Variants in PLIN1 observed in about 807,000 individuals in gnomAD.
PLIN1 encodes the protein perilipin-1.
PLIN1 carries 37 observed loss-of-function variants against 45.8 expected under a neutral mutation model. That is an observed-to-expected ratio of 0.81 (90% CI 0.62 to 1.06). The LOEUF (loss-of-function observed/expected upper bound fraction) is 1.06. Ranked by LOEUF, PLIN1 falls within the 50% of genes least tolerant of loss-of-function variation. The pLI is 0.00. For missense variants in PLIN1, 776 were observed against 716.5 expected, an observed-to-expected ratio of 1.08 and a Z score of -0.95; for synonymous variants, 340 against 309.2, an observed-to-expected ratio of 1.10 and a Z score of -1.05.
At chr15:89,674,925 C>A (rs1280735711) in intron 2 of PLIN1, among the ~76,000 whole-genome samples, 1 of 151,952 alleles carries the variant, frequency 6.6e-6, no homozygotes, top group Non-Finnish European at 1.5e-5. Context: ...CACAGGGAGA[C>A]CCCGTCTCTA....
intron 2 of PLIN1, among the ~76,000 whole-genome samples, chr15:89,675,000 C>T (rs564539713): frequency 2.6e-5 from 4 of 152,178 alleles, no homozygotes; most frequent in South Asian, 2.1e-4. Flanking sequence ...CCTGTGGTCC[C>T]GGCTACTCGG....
At position 89,673,361 on chromosome 15, in the gene PLIN1, G is replaced by A. The variant is rs539640475; in HGVS notation, c.99C>T (p.Thr33=). The A allele has an allele frequency of 1.9e-6, 3 of 1,603,802 alleles. No homozygotes were observed. In the South Asian group the frequency reaches 3.4e-5, roughly 18 times the overall value. Residue 33 remains threonine (T), a synonymous_variant, in exon 3 of 9, where the codon ACC becomes ACT. Coordinates refer to ENST00000300055, the MANE Select transcript of PLIN1 (RefSeq NM_002666.5). ...TGTAGGTCTTCTGGAAGCATTCGCA[G>A]GTGCCACTCACCACCGGCAGCTGCA... is the stretch of plus-strand genomic sequence containing the variant. The part of the protein sequence containing the change: ...RVLQLPVVSG[T]CECFQKTYTS...
intron 1 of PLIN1, chr15:89,678,058 A>C (rs1964546377): frequency 6.6e-6 from 1 of 150,606 alleles, no homozygotes; most frequent in African/African-American, 2.5e-5. Flanking sequence ...CACACTGGCT[A>C]ATTTTTGTAT....
intron 6 of PLIN1, 139 bp from the exon 7 acceptor site, chr15:89,667,932 CTT>C: frequency 8.2e-7 from 1 of 1,217,690 alleles, no homozygotes; most frequent in Non-Finnish European, 1.1e-6. Context: ...TTTCTGGAAA[CTT>C]TTTATTGAGT....
At position 89,665,316 on chromosome 15, in the gene PLIN1, T is replaced by C. The variant is rs922587862; in HGVS notation, c.*267A>G. 25 of 321,538 alleles carry C rather than the reference T, an allele frequency of 7.8e-5. No homozygotes were observed. Among genetic ancestry groups the C allele is most frequent in the African/African-American group, 4.7e-4 (22 of 46,796 alleles). 19.9% of individuals were successfully genotyped at this position (321,538 alleles called of 1,614,324 possible). A position where few individuals can be genotyped will look rare whatever the true frequency, so the allele number is the denominator to read the frequency against. Reference sequence around the variant, plus strand: ...AAATCAAGTTAGGCAATTACTCTTATAGTAACAACCAAGCCATAGAATCAG... The same window carrying C: ...AAATCAAGTTAGGCAATTACTCTTACAGTAACAACCAAGCCATAGAATCAG... On this transcript the variant is annotated 3_prime_UTR_variant, in exon 9 of 9. Coordinates refer to ENST00000300055, the MANE Select transcript of PLIN1 (RefSeq NM_002666.5).
chr15:89,678,853 A>G (rs1964557755), intron 1 of PLIN1, among the ~76,000 whole-genome samples: 1 of 151,274 alleles, frequency 6.6e-6, no homozygotes, highest in Non-Finnish European at 1.5e-5. Flanking sequence ...CCCTCTCCCT[A>G]TCTGTTTTTT....
At position 89,665,867 on chromosome 15, in the gene PLIN1, G is replaced by A. The variant is rs753027178; in HGVS notation, c.1285C>T (p.Arg429Trp). Reference protein sequence around the residue: ...IDNPPAEVERREAERRASGAP... With the variant: ...IDNPPAEVERWEAERRASGAP... ...CCAGACGCTCTGCGCTCCGCCTCCC[G>A]GCGCTCGACCTCGGCTGGTGGGTTG... Residue 429 changes from arginine (R) to tryptophan (W), a missense_variant, in exon 9 of 9, where the codon CGG becomes TGG. Transcript: ENST00000300055. 31 of 1,503,918 alleles carry A rather than the reference G, an allele frequency of 2.1e-5. No individual in the cohort carries two copies. The highest frequency in any genetic ancestry group is 1.1e-4 in the East Asian group (4 of 37,064). The allele number at this position is 1,503,918 out of a possible 1,614,324, so 93.2% of individuals were successfully genotyped here. A position where few individuals can be genotyped will look rare whatever the true frequency, so the allele number is the denominator to read the frequency against.
rs1274374725 is a variant in PLIN1, at chr15:89,666,656, A to G, written c.1209+280T>C. ...GAGAGCAAAGGGGTGAAGGTGAGCCACTGGGATCCTGGGACTGATGGCTGG... is the reference window on the plus strand; with the variant it reads ...GAGAGCAAAGGGGTGAAGGTGAGCCGCTGGGATCCTGGGACTGATGGCTGG... On this transcript the variant is annotated intron_variant, in intron 8 of 8. Coordinates refer to ENST00000300055, the MANE Select transcript of PLIN1 (RefSeq NM_002666.5). 2.0e-5 allele frequency among the ~76,000 whole-genome samples: 3 copies of G among 152,146 alleles called. No individual in the cohort carries two copies. In the East Asian group the frequency reaches 5.8e-4, roughly 29 times the overall value.
In PLIN1 at chr15:89,667,136, G is replaced by A. The variant is rs747616512; in HGVS notation, c.1009C>T (p.His337Tyr). 6.2e-7 allele frequency: 1 copy of A among 1,613,802 alleles called. No homozygotes were observed. The highest frequency in any genetic ancestry group is 1.3e-5 in the African/African-American group (1 of 74,910). Reference protein sequence around the residue: ...GPRGLLGGVAHTLQKTLQTTI... With the variant: ...GPRGLLGGVAYTLQKTLQTTI... ...GTCTGGAGGGTCTTCTGCAGGGTAT[G>A]TGCCACACCACCCAGGAGGCCTCGA... Residue 337 changes from histidine to tyrosine, a missense_variant, in exon 8 of 9, where the codon CAT becomes TAT. Physicochemically the swap from His to Tyr is moderately conservative, Grantham distance 83 (BLOSUM62 2). Transcript: ENST00000300055.
At position 89,671,334 on chromosome 15, in the gene PLIN1, T is replaced by C. The variant is rs574689491; in HGVS notation, c.333+148A>G. 5.2e-4 allele frequency: 339 copies of C among 651,598 alleles called. 1 individual carries two copies. The highest frequency in any genetic ancestry group is 8.7e-4 in the Non-Finnish European group (312 of 356,792). The allele number at this position is 651,598 out of a possible 1,614,324, so 40.4% of individuals were successfully genotyped here. ...AGAAGAGGAGCCTGTTGTGTGGCCT[T>C]GGGAGCAGGCACTCTCCGCCAGCCT... On this transcript the variant is annotated intron_variant, in intron 4 of 8. Transcript: ENST00000300055.
In PLIN1 at chr15:89,670,154, C is replaced by A; in HGVS notation, c.424G>T (p.Val142Phe). Residue 142 changes from valine (V) to phenylalanine (F), a missense_variant, in exon 5 of 9, where the codon GTC becomes TTC. Val to Phe is a conservative substitution (Grantham distance 50). Transcript: ENST00000300055. ...CACCCGGCCAAAGCGGCCCCCAGGA[C>A]CTTGTCTGAAGTGCTCGCGATGGGA... ...SVPIASTSDK[V>F]LGAALAGCEL... 1 of 1,614,178 alleles carries A rather than the reference C, an allele frequency of 6.2e-7. No individual in the cohort carries two copies. Among genetic ancestry groups the A allele is most frequent in the Non-Finnish European group, 8.5e-7 (1 of 1,180,026 alleles).
rs996070256 is a variant in PLIN1 at position 89,665,556 on chromosome 15, C to T, written c.*27G>A. ...TTATTTGTTAGAGAAACCCGCCGGCCCGGGGCGCGGCGGCTGGTGCGGCGA... is the reference window on the plus strand; with the variant it reads ...TTATTTGTTAGAGAAACCCGCCGGCTCGGGGCGCGGCGGCTGGTGCGGCGA... On this transcript the variant is annotated 3_prime_UTR_variant, in exon 9 of 9. Coordinates refer to ENST00000300055, the MANE Select transcript of PLIN1 (RefSeq NM_002666.5). 1.1e-5 allele frequency: 17 copies of T among 1,523,198 alleles called. No homozygotes were observed. The Admixed American group carries it at 2.6e-4, about 23-fold the overall frequency. The allele number at this position is 1,523,198 out of a possible 1,614,324, so 94.4% of individuals were successfully genotyped here. A position where few individuals can be genotyped will look rare whatever the true frequency, so the allele number is the denominator to read the frequency against.
chr15:89,676,245 GTTGT>G (rs149013610), intron 2 of PLIN1, among the ~76,000 whole-genome samples: 2,291 of 151,742 alleles, frequency 0.015, 56 homozygotes, highest in African/African-American at 0.052. Context: ...GTTTTTTTTT[GTTGT>G]TTGTTTGTTT....
chr15:89,677,665 G>C (rs1964539376), intron 1 of PLIN1, 162 bp from the exon 2 acceptor site: 1 of 724,114 alleles, frequency 1.4e-6, no homozygotes, highest in Admixed American at 1.9e-5. Flanking sequence ...ACACACAATA[G>C]CCCCACTCCT....
chr15:89,666,330 C>T (rs945939552), intron 8 of PLIN1, among the ~76,000 whole-genome samples: 3 of 151,978 alleles, frequency 2.0e-5, no homozygotes, highest in Admixed American at 2.0e-4. Context: ...CTGCTAAGAT[C>T]CCTGGCATGC....
At chr15:89,676,451 G>T (rs1964518251) in intron 2 of PLIN1, among the ~76,000 whole-genome samples, 1 of 152,216 alleles carries the variant, frequency 6.6e-6, no homozygotes, top group Admixed American at 6.5e-5. Flanking sequence ...GTTTCACTGT[G>T]TTAGCCAGGA....
chr15:89,666,853 G>T (rs554050500), intron 8 of PLIN1, 83 bp downstream of exon 8: 15 of 1,510,208 alleles, frequency 9.9e-6, no homozygotes, highest in African/African-American at 1.4e-5. Context: ...GAGGGGGACT[G>T]CAGCCCCTTC....
Position 89,667,189 on chromosome 15 carries a change from C to T in PLIN1, c.964-8G>A, listed in dbSNP as rs200807146. 108 of 1,612,664 alleles carry T rather than the reference C, an allele frequency of 6.7e-5. No individual in the cohort carries two copies. The East Asian group carries it at 7.8e-4, about 12-fold the overall frequency. ...GCCTGGCAGGGCTGCTACCTGGGGGCCAAAGCAGGGTCAGTGCCTCCTGTG... is the reference window on the plus strand; with the variant it reads ...GCCTGGCAGGGCTGCTACCTGGGGGTCAAAGCAGGGTCAGTGCCTCCTGTG... On this transcript the variant is annotated splice_region_variant and splice_polypyrimidine_tract_variant and intron_variant, in intron 7 of 8. Coordinates refer to ENST00000300055, the MANE Select transcript of PLIN1 (RefSeq NM_002666.5).
At chr15:89,677,542 G>T (rs962285465) in intron 1 of PLIN1, 39 bp from the exon 2 acceptor site, 5 of 1,562,562 alleles carry the variant, frequency 3.2e-6, no homozygotes, top group Non-Finnish European at 2.6e-6. Flanking sequence ...GAAGCCCTCA[G>T]GCTTGAGCTC....
Sources: allele counts gnomAD v4.1 joint callset (sites outside exome capture counted in the v4.1 genomes callset), GRCh38; gene constraint gnomAD v4.1.1; transcripts MANE v1.5; gene names NCBI Gene and HGNC (gene_info 2026-07-23, HGNC 2026-07-21).